Variants in MAP2K4 observed in about 807,000 individuals in gnomAD.
MAP2K4 encodes the protein dual specificity mitogen-activated protein kinase kinase 4.
Under a neutral mutation model 48.5 loss-of-function variants are expected in MAP2K4, and 4 were observed. That is an observed-to-expected ratio of 0.08 (90% CI 0.04 to 0.19). The LOEUF (loss-of-function observed/expected upper bound fraction) is 0.19, where lower values mean the gene tolerates loss of function less well. MAP2K4 is among the 10% of genes least tolerant of loss of function. MAP2K4 has a pLI of 1.00. For synonymous variants in MAP2K4, 166 were observed against 173.1 expected (o/e 0.96, Z 0.32); for missense variants, 258 against 493.3 (o/e 0.52, Z 4.52).
At chr17:12,109,475 C>T (rs984912463) in intron 5 of MAP2K4, among the ~76,000 whole-genome samples, 2 of 152,164 alleles carry the variant, frequency 1.3e-5, no homozygotes, top group African/African-American at 2.4e-5. Context: ...AGCAGCTTGA[C>T]GTCAGCAAAG....
chr17:12,105,937 C>T (rs1008390928), intron 4 of MAP2K4, among the ~76,000 whole-genome samples: 1 of 152,034 alleles, frequency 6.6e-6, no homozygotes, highest in Non-Finnish European at 1.5e-5. Flanking sequence ...GTTTTTAGCA[C>T]CTGCCAGGCA....
In MAP2K4 at chr17:12,137,090, C is replaced by T. The variant is rs909503337; in HGVS notation, c.1041-2749C>T. ...GTCCATTACAGGACCCTGTTTGATA[C>T]TGGTGGCCCTGTGAAATAGAGGCAA... On this transcript the variant is annotated intron_variant, in intron 9 of 10. Coordinates refer to ENST00000353533, the MANE Select transcript of MAP2K4 (RefSeq NM_003010.4). 2.0e-5 allele frequency among the ~76,000 whole-genome samples: 3 copies of T among 152,156 alleles called. 1 individual carries two copies. The highest frequency in any genetic ancestry group is 1.3e-4 in the Admixed American group (2 of 15,290).
chr17:12,054,314 G>C (rs1406228380), intron 1 of MAP2K4, among the ~76,000 whole-genome samples: 2 of 151,918 alleles, frequency 1.3e-5, no homozygotes, highest in African/African-American at 4.8e-5. Context: ...CTACCATGGT[G>C]GTTTTACTTG....
At chr17:12,117,058 ATGT>A (rs1735009143) in intron 7 of MAP2K4, among the ~76,000 whole-genome samples, 1 of 152,254 alleles carries the variant, frequency 6.6e-6, no homozygotes, top group South Asian at 2.1e-4. Context: ...GTTCACCAAA[ATGT>A]TGTTTTGCAG....
In MAP2K4 at chr17:12,110,361, C is replaced by G; in HGVS notation, c.634-14C>G. On this transcript the variant is annotated splice_polypyrimidine_tract_variant and intron_variant, in intron 5 of 10. Coordinates refer to ENST00000353533, the MANE Select transcript of MAP2K4 (RefSeq NM_003010.4). The stretch of plus-strand genomic sequence containing the variant: ...AAACAAGTTGTTTATCCCATCTCTC[C>G]TTTTTCTCCCTAGACTGTGAAAGCA... 1 of 1,601,412 alleles carries G rather than the reference C, an allele frequency of 6.2e-7. No homozygotes were observed. Among genetic ancestry groups the G allele is most frequent in the Non-Finnish European group, 8.5e-7 (1 of 1,169,990 alleles).
At chr17:12,136,647 T>G (rs950554409) in intron 9 of MAP2K4, among the ~76,000 whole-genome samples, 1 of 145,930 alleles carries the variant, frequency 6.9e-6, no homozygotes, top group African/African-American at 2.5e-5. Flanking sequence ...GATAACATTA[T>G]TAGTGTCAGC....
intron 4 of MAP2K4, among the ~76,000 whole-genome samples, chr17:12,106,921 C>T (rs1057496170): frequency 2.6e-5 from 4 of 151,814 alleles, no homozygotes; most frequent in South Asian, 2.1e-4. Flanking sequence ...GATAGTTCCT[C>T]GGTTTCTAGT....
chr17:12,037,886 T>C (rs1969649961), intron 1 of MAP2K4, among the ~76,000 whole-genome samples: 1 of 152,140 alleles, frequency 6.6e-6, no homozygotes, highest in Non-Finnish European at 1.5e-5. Context: ...ACAAAGGGAA[T>C]GTTGCTTAGT....
At chr17:12,083,413 C>T (rs750285239) in intron 3 of MAP2K4, among the ~76,000 whole-genome samples, 1 of 152,180 alleles carries the variant, frequency 6.6e-6, no homozygotes, top group Non-Finnish European at 1.5e-5. Context: ...TTAAAAATCC[C>T]AGCTGTACTT....
At chr17:12,084,316 G>A (rs978034394) in intron 3 of MAP2K4, among the ~76,000 whole-genome samples, 1 of 152,124 alleles carries the variant, frequency 6.6e-6, no homozygotes, top group Non-Finnish European at 1.5e-5. Context: ...CCAAGCTATC[G>A]GTGAGTTTCT....
intron 1 of MAP2K4, among the ~76,000 whole-genome samples, chr17:12,046,946 G>A (rs960657920): frequency 3.9e-5 from 6 of 152,108 alleles, no homozygotes; most frequent in African/African-American, 1.4e-4. Context: ...ATAGTAAGAG[G>A]TAGTCTACAA....
intron 3 of MAP2K4, among the ~76,000 whole-genome samples, chr17:12,084,779 G>C (rs1041187216): frequency 3.3e-5 from 5 of 152,280 alleles, no homozygotes; most frequent in Non-Finnish European, 4.4e-5. Context: ...GTTAAATGTA[G>C]CGGGGTAAAG....
Position 12,134,190 on chromosome 17 carries a change from C to T in MAP2K4, c.1040+4903C>T, listed in dbSNP as rs574421887. Among the ~76,000 whole-genome samples, 14 of 152,352 alleles carry T rather than the reference C, an allele frequency of 9.2e-5. No homozygotes were observed. The East Asian group carries it at 2.7e-3, about 29-fold the overall frequency. On this transcript the variant is annotated intron_variant, in intron 9 of 10. Coordinates refer to ENST00000353533, the MANE Select transcript of MAP2K4 (RefSeq NM_003010.4). ...CTAGGTGATGATACTGCAATGATGG[C>T]TCTCCACCTGTTTCTCACAGTTAAC...
At chr17:12,138,944 C>A (rs976428660) in intron 9 of MAP2K4, among the ~76,000 whole-genome samples, 1 of 152,074 alleles carries the variant, frequency 6.6e-6, no homozygotes, top group Non-Finnish European at 1.5e-5. Context: ...TGTGGTAATC[C>A]TGAAGAGGCC....
intron 3 of MAP2K4, among the ~76,000 whole-genome samples, chr17:12,094,151 T>C (rs1971653938): frequency 6.6e-6 from 1 of 152,228 alleles, no homozygotes; most frequent in Admixed American, 6.5e-5. Context: ...TATCTGAGCA[T>C]TGATATTTAA....
At position 12,095,588 on chromosome 17, in the gene MAP2K4, C is replaced by T. The variant is rs1415316526; in HGVS notation, c.407C>T (p.Thr136Ile). The change falls in exon 4 of 11, where the codon ACA becomes ATA. Residue 136 changes from threonine (T) to isoleucine (I), a missense_variant. Transcript: ENST00000353533. The part of the protein sequence containing the change: ...QIMAVKRIRS[T>I]VDEKEQKQLL... ...ATTCTTTTCCAGAGAATTCGGTCAA[C>T]AGTGGATGAAAAAGAACAAAAACAA... 4 of 1,613,656 alleles carry T rather than the reference C, an allele frequency of 2.5e-6. No individual in the cohort carries two copies. Among genetic ancestry groups the T allele is most frequent in the Non-Finnish European group, 3.4e-6 (4 of 1,179,910 alleles).
chr17:12,123,114 T>C (rs969125914), intron 7 of MAP2K4, among the ~76,000 whole-genome samples: 11 of 152,164 alleles, frequency 7.2e-5, no homozygotes, highest in African/African-American at 2.7e-4. Context: ...AAAATCGTTA[T>C]GCTGGCCTCA....
At chr17:12,124,068 T>C (rs1028213837) in intron 7 of MAP2K4, among the ~76,000 whole-genome samples, 3 of 100,212 alleles carry the variant, frequency 3.0e-5, no homozygotes, top group South Asian at 7.9e-4. Context: ...CAAATACTTA[T>C]ATTTACAACA....
In MAP2K4 at chr17:12,062,340, C is replaced by G. The variant is rs541211279; in HGVS notation, c.218+7349C>G. Among the ~76,000 whole-genome samples, 6 of 152,004 alleles carry G rather than the reference C, an allele frequency of 3.9e-5. No individual in the cohort carries two copies. In the East Asian group the frequency reaches 1.2e-3, roughly 29 times the overall value. On this transcript the variant is annotated intron_variant, in intron 2 of 10. Coordinates refer to ENST00000353533, the MANE Select transcript of MAP2K4 (RefSeq NM_003010.4). ...TTGGGTGTTTGTATGCCTGAATATG[C>G]CTTTGTCTTTTTTCAGACAGGATCT...
Sources: allele counts gnomAD v4.1 joint callset (sites outside exome capture counted in the v4.1 genomes callset), GRCh38; gene constraint gnomAD v4.1.1; transcripts MANE v1.5; gene names NCBI Gene and HGNC (gene_info 2026-07-23, HGNC 2026-07-21).